The following NKAIN2 variants were observed in gnomAD, a reference collection of about 807,000 sequenced individuals.
NKAIN2 encodes sodium/potassium transporting ATPase interacting 2, also known as sodium/potassium-transporting ATPase subunit beta-1-interacting protein 2.
In NKAIN2, 14 loss-of-function variants were observed where a neutral mutation model predicts 32.6. The observed-to-expected ratio is 0.43, with a 90% CI of 0.28 to 0.67. The LOEUF is 0.67. Ranked by LOEUF, NKAIN2 falls within the 30% of genes least tolerant of loss-of-function variation. NKAIN2 has a pLI of 0.17. For synonymous variants in NKAIN2, 80 were observed against 87.2 expected (o/e 0.92, Z 0.46); for missense variants, 198 against 258.3 (o/e 0.77, Z 1.60).
intron 1 of NKAIN2, among the ~76,000 whole-genome samples, chr6:124,049,475 T>A (rs1213764039): frequency 6.6e-6 from 1 of 151,954 alleles, no homozygotes; most frequent in Non-Finnish European, 1.5e-5. Flanking sequence ...TGTAGCTACT[T>A]TGTCTGTCCA....
chr6:124,265,773 C>A (rs190110820), intron 1 of NKAIN2, among the ~76,000 whole-genome samples: 361 of 152,252 alleles, frequency 2.4e-3, no homozygotes, highest in Non-Finnish European at 3.6e-3. Context: ...CCCCTTGGAA[C>A]AAGTTGAAAT....
At chr6:124,634,400 T>C (rs1783692710) in intron 3 of NKAIN2, among the ~76,000 whole-genome samples, 2 of 151,952 alleles carry the variant, frequency 1.3e-5, no homozygotes, top group Admixed American at 1.3e-4. Flanking sequence ...CAGAAATAGA[T>C]CTAATAATAA....
chr6:124,115,902 A>ATGTTGGTGTCTTG (rs1785587751), intron 1 of NKAIN2, among the ~76,000 whole-genome samples: 1 of 152,078 alleles, frequency 6.6e-6, no homozygotes, highest in South Asian at 2.1e-4. Context: ...GTTTTGAATA[A>ATGTTGGTGTCTTG]TGTTGGTGTC....
chr6:124,351,457 G>T (rs1324260363), intron 2 of NKAIN2, among the ~76,000 whole-genome samples: 4 of 147,000 alleles, frequency 2.7e-5, no homozygotes, highest in Non-Finnish European at 4.5e-5. Flanking sequence ...GTGATCCAAG[G>T]CCACTGCCTT....
At chr6:124,300,184 C>G (rs952846929) in intron 2 of NKAIN2, among the ~76,000 whole-genome samples, 2 of 152,012 alleles carry the variant, frequency 1.3e-5, no homozygotes, top group African/African-American at 2.4e-5. Context: ...AGTGGGGGGG[C>G]CAGGTGGAGA....
At chr6:124,113,360 T>G (rs1341389986) in intron 1 of NKAIN2, among the ~76,000 whole-genome samples, 1 of 152,156 alleles carries the variant, frequency 6.6e-6, no homozygotes, top group Non-Finnish European at 1.5e-5. Context: ...AGGCAGAAGC[T>G]AGTTGTTTAG....
chr6:123,944,301 T>G (rs1295289785), intron 1 of NKAIN2, among the ~76,000 whole-genome samples: 2 of 152,062 alleles, frequency 1.3e-5, no homozygotes, highest in Non-Finnish European at 2.9e-5. Context: ...ATCCTGTGGC[T>G]TAGACTATGA....
At chr6:124,288,854 G>GACAT (rs1159131624) in intron 2 of NKAIN2, among the ~76,000 whole-genome samples, 1 of 152,024 alleles carries the variant, frequency 6.6e-6, no homozygotes, top group Non-Finnish European at 1.5e-5. Context: ...CACCAATATA[G>GACAT]ACATACATAC....
intron 3 of NKAIN2, among the ~76,000 whole-genome samples, chr6:124,435,877 T>G (rs2114579063): frequency 6.6e-6 from 1 of 152,126 alleles, no homozygotes; most frequent in East Asian, 1.9e-4. Flanking sequence ...ATTGGGTTCT[T>G]GGAAATCTAT....
At chr6:123,971,449 A>G (rs728017) in intron 1 of NKAIN2, among the ~76,000 whole-genome samples, 98,799 of 151,978 alleles carry the variant, frequency 0.65, 32,514 homozygotes, top group East Asian at 0.9. Context: ...GCTTTTTATC[A>G]TAGCACTCCC....
chr6:124,132,630 T>G (rs1002157854), intron 1 of NKAIN2, among the ~76,000 whole-genome samples: 9 of 152,268 alleles, frequency 5.9e-5, no homozygotes, highest in Non-Finnish European at 1.0e-4. Context: ...AAAACTTCAC[T>G]GCTGGCATAA....
At position 124,361,126 on chromosome 6, in the gene NKAIN2, T is replaced by C. The variant is rs185058884; in HGVS notation, c.273+5779T>C. ...AAGTGATTTTTAAGTTGAAAGTATA[T>C]AGCAGTAGGAAAGAAAACATATATA... On this transcript the variant is annotated intron_variant, in intron 3 of 6. Coordinates refer to ENST00000368417, the MANE Select transcript of NKAIN2 (RefSeq NM_001040214.3). Among the ~76,000 whole-genome samples, 14 of 152,224 alleles carry C rather than the reference T, an allele frequency of 9.2e-5. No homozygotes were observed. The East Asian group carries it at 2.5e-3, about 27-fold the overall frequency.
chr6:124,279,314 T>TGGCTAACAC (rs1307841985), intron 1 of NKAIN2, among the ~76,000 whole-genome samples: 1 of 152,058 alleles, frequency 6.6e-6, no homozygotes, highest in Non-Finnish European at 1.5e-5. Flanking sequence ...GAGACCATCC[T>TGGCTAACAC]GGCTAACACG....
chr6:124,379,562 C>G (rs1310542235), intron 3 of NKAIN2, among the ~76,000 whole-genome samples: 1 of 152,012 alleles, frequency 6.6e-6, no homozygotes. Flanking sequence ...AGAATAATGG[C>G]ACAGCAATTC....
chr6:124,109,839 G>A (rs1051875906), intron 1 of NKAIN2, among the ~76,000 whole-genome samples: 3 of 151,872 alleles, frequency 2.0e-5, no homozygotes, highest in African/African-American at 7.2e-5. Context: ...AATTCTTTTT[G>A]TGCATATGTT....
At chr6:123,827,704 A>G (rs1774205593) in intron 1 of NKAIN2, among the ~76,000 whole-genome samples, 1 of 152,162 alleles carries the variant, frequency 6.6e-6, no homozygotes. Context: ...AAAACTCAGA[A>G]ATATTTAAAA....
chr6:124,064,577 G>A (rs1014409648), intron 1 of NKAIN2, among the ~76,000 whole-genome samples: 4 of 151,850 alleles, frequency 2.6e-5, no homozygotes, highest in Admixed American at 6.6e-5. Context: ...TCTAGGCAAC[G>A]GTAAACTGAA....
intron 1 of NKAIN2, among the ~76,000 whole-genome samples, chr6:123,925,370 G>C (rs966190845): frequency 6.6e-6 from 1 of 152,118 alleles, no homozygotes; most frequent in African/African-American, 2.4e-5. Flanking sequence ...TTTTTGAAAT[G>C]TCCAAGGGCT....
intron 1 of NKAIN2, among the ~76,000 whole-genome samples, chr6:123,971,901 A>C (rs1158971348): frequency 1.3e-5 from 2 of 152,198 alleles, no homozygotes; most frequent in Non-Finnish European, 2.9e-5. Context: ...AGTCTGGACA[A>C]GTAAAATACA....
Sources: allele counts gnomAD v4.1 joint callset (sites outside exome capture counted in the v4.1 genomes callset), GRCh38; gene constraint gnomAD v4.1.1; transcripts MANE v1.5; gene names NCBI Gene and HGNC (gene_info 2026-07-23, HGNC 2026-07-21).